Variants in SPTB observed in about 807,000 individuals in gnomAD.
SPTB encodes the protein spectrin beta chain, erythrocytic.
Under a neutral mutation model 256.2 loss-of-function variants are expected in SPTB, and 45 were observed. That is an observed-to-expected ratio of 0.18 (90% confidence interval 0.14 to 0.23). The LOEUF (loss-of-function observed/expected upper bound fraction) is 0.23, where lower values mean the gene tolerates loss of function less well. SPTB is among the 10% of genes least tolerant of loss of function. The pLI is 1.00. For synonymous variants in SPTB, 1,231 were observed against 1,243.1 expected (o/e 0.99, Z 0.21); for missense variants, 2,715 against 3,040.4 (o/e 0.89, Z 2.52).
chr14:64,820,169 A>G (rs1237119068), intron 2 of SPTB, among the ~76,000 whole-genome samples: 1 of 152,168 alleles, frequency 6.6e-6, no homozygotes, highest in African/African-American at 2.4e-5. Context: ...TTGCCTTAAT[A>G]TTCCTGTGAG....
chr14:64,787,180 C>A lies in SPTB; in HGVS notation c.2805-20G>T, dbSNP rs567541931. The A allele has an allele frequency of 1.2e-6, 2 of 1,601,438 alleles. No homozygotes were observed. Among genetic ancestry groups the A allele is most frequent in the Non-Finnish European group, 1.7e-6 (2 of 1,179,940 alleles). On this transcript the variant is annotated intron_variant, in intron 15 of 35. Transcript: ENST00000644917. ...TGCCACCTGCCGGATGGGGACACAG[C>A]CCGGAGGAGAGAGACACCTTCTCCC...
intron 1 of SPTB, among the ~76,000 whole-genome samples, chr14:64,850,135 G>A (rs1387866543): frequency 6.6e-6 from 1 of 152,186 alleles, no homozygotes; most frequent in Non-Finnish European, 1.5e-5. Context: ...GCCCTTTATA[G>A]AAAAAGCTTT....
intron 15 of SPTB, among the ~76,000 whole-genome samples, chr14:64,789,816 G>C (rs1024361731): frequency 2.6e-5 from 4 of 152,196 alleles, no homozygotes; most frequent in African/African-American, 9.7e-5. Flanking sequence ...TTTTCATCTG[G>C]AAAACTGGAA....
intron 8 of SPTB, among the ~76,000 whole-genome samples, chr14:64,800,239 G>A: frequency 6.6e-6 from 1 of 152,256 alleles, no homozygotes; most frequent in African/African-American, 2.4e-5. Flanking sequence ...CCAGCCACTA[G>A]GGGGCCAGGG....
Position 64,759,335 on chromosome 14 carries a change from A to G in SPTB, c.6346-5542T>C, listed in dbSNP as rs1244603658. Among the ~76,000 whole-genome samples the G allele has an allele frequency of 6.6e-6, 1 of 152,168 alleles. No individual in the cohort carries two copies. The highest frequency in any genetic ancestry group is 1.5e-5 in the Non-Finnish European group (1 of 68,014). On this transcript the variant is annotated intron_variant, in intron 32 of 35. Coordinates refer to ENST00000644917, the MANE Select transcript of SPTB (RefSeq NM_001355436.2). The surrounding 1 kb of genome is among the most constrained non-coding windows in gnomAD (Gnocchi z 4.8). ...AGTGGGAGGCCTGTGGCCCTGTTGGATCAGTCCTGCCTCTTTCTAGGCCAG... is the reference window on the plus strand; with the variant it reads ...AGTGGGAGGCCTGTGGCCCTGTTGGGTCAGTCCTGCCTCTTTCTAGGCCAG...
rs1466469246 is a variant in SPTB, at chr14:64,795,330, G to T, written c.1644+7C>A. 6.2e-7 allele frequency: 1 copy of T among 1,603,298 alleles called. No homozygotes were observed. The highest frequency in any genetic ancestry group is 8.5e-7 in the Non-Finnish European group (1 of 1,179,850). On this transcript the variant is annotated splice_region_variant and intron_variant, in intron 12 of 35. Transcript: ENST00000644917. This position sits in a 1 kb window ranked among gnomAD's most constrained non-coding sequence, Gnocchi z 6.5. ...AGGGCATGGCGGGGGCGGCCCCCAGGGCCCACCTTGATCTCATCCATCCAG... is the reference window on the plus strand; with the variant it reads ...AGGGCATGGCGGGGGCGGCCCCCAGTGCCCACCTTGATCTCATCCATCCAG...
intron 1 of SPTB, among the ~76,000 whole-genome samples, chr14:64,874,787 C>T (rs937683393): frequency 3.3e-5 from 5 of 152,170 alleles, no homozygotes; most frequent in Non-Finnish European, 5.9e-5. Context: ...TATTCATTTT[C>T]GGAATTATTC....
At chr14:64,871,739 C>T (rs1026750141) in intron 1 of SPTB, among the ~76,000 whole-genome samples, 3 of 152,276 alleles carry the variant, frequency 2.0e-5, no homozygotes. Context: ...AGAAATAGGG[C>T]TGAAGTTAGG....
Position 64,797,614 on chromosome 14 carries a change from TTAA to T in SPTB, c.1182+112_1182+114del. On this transcript the variant is annotated intron_variant, in intron 10 of 35. Transcript: ENST00000644917. ...CTCCCCCAAATAGTCAACATGTGGA[TTAA>T]TAACATCAAAGAAAGTGGCTTGGTT... is the stretch of plus-strand genomic sequence containing the variant. The T allele has an allele frequency of 3.3e-6, 3 of 909,816 alleles. No homozygotes were observed. In the South Asian group the frequency reaches 3.9e-5, roughly 12 times the overall value. 56.4% of individuals were successfully genotyped at this position (909,816 alleles called of 1,614,324 possible).
In SPTB at chr14:64,795,863, C is replaced by T. The variant is rs56797122; in HGVS notation, c.1342-224G>A. Among the ~76,000 whole-genome samples, 746 of 152,284 alleles carry T rather than the reference C, an allele frequency of 4.9e-3. 4 individuals are homozygous for T. The highest frequency in any genetic ancestry group is 0.017 in the East Asian group (86 of 5,172). Reference sequence around the variant, plus strand: ...AAGAGAAGTTCATGATTTTACTCCCCGTGCCACCCGCGTGGGAGATGCAGC... The same window carrying T: ...AAGAGAAGTTCATGATTTTACTCCCTGTGCCACCCGCGTGGGAGATGCAGC... On this transcript the variant is annotated intron_variant, in intron 11 of 35. Coordinates refer to ENST00000644917, the MANE Select transcript of SPTB (RefSeq NM_001355436.2). The surrounding 1 kb of genome is among the most constrained non-coding windows in gnomAD (Gnocchi z 6.5).
intron 10 of SPTB, 54 bp downstream of exon 10, chr14:64,797,675 T>C (rs2082802330): frequency 1.5e-6 from 2 of 1,323,132 alleles, no homozygotes; most frequent in Middle Eastern, 1.8e-4. Context: ...ACTGTGTCCT[T>C]ATCGGGAATT....
At chr14:64,766,862 G>A in intron 31 of SPTB, 61 bp from the exon 32 acceptor site, 7 of 1,590,422 alleles carry the variant, frequency 4.4e-6, no homozygotes, top group South Asian at 1.1e-5. Context: ...TGCCTCCTGC[G>A]AGGCCTGGCT....
chr14:64,843,064 CA>C (rs998096759), intron 1 of SPTB, among the ~76,000 whole-genome samples: 2 of 148,974 alleles, frequency 1.3e-5, no homozygotes, highest in African/African-American at 4.9e-5. Flanking sequence ...GACCCTGTCT[CA>C]AAAAAAAAGG....
chr14:64,801,449 C>A (rs230704), intron 6 of SPTB, 49 bp from the exon 7 acceptor site: 1 of 1,382,544 alleles, frequency 7.2e-7, no homozygotes, highest in Admixed American at 1.7e-5. Context: ...AGCATCCCCA[C>A]CAGGAGGGCA....
At chr14:64,769,301 C>A (rs560635540) in intron 28 of SPTB, among the ~76,000 whole-genome samples, 183 bp from the exon 29 acceptor site, 7 of 152,324 alleles carry the variant, frequency 4.6e-5, no homozygotes, top group Non-Finnish European at 8.8e-5. Context: ...GAGGCCCATG[C>A]GCCTCTCCTA....
intron 29 of SPTB, chr14:64,768,068 G>T (rs2082218794): frequency 3.2e-6 from 2 of 625,034 alleles, no homozygotes; most frequent in Non-Finnish European, 5.7e-6. Context: ...TAGAGGGAGG[G>T]CTTCAATCTG....
At chr14:64,766,682 T>C in intron 32 of SPTB, 44 bp downstream of exon 32, 2 of 1,613,232 alleles carry the variant, frequency 1.2e-6, no homozygotes, top group South Asian at 1.1e-5. Context: ...GGGCTCTGGC[T>C]GCAGTGACTC....
Position 64,749,755 on chromosome 14 carries a change from G to C in SPTB, c.6777-59C>G. On this transcript the variant is annotated intron_variant, in intron 34 of 35. Coordinates refer to ENST00000644917, the MANE Select transcript of SPTB (RefSeq NM_001355436.2). This position sits in a 1 kb window ranked among gnomAD's most constrained non-coding sequence, Gnocchi z 4.7. ...ACCTCTGGAGGGGGCGCTGGGCAGA[G>C]GGCTGGCTCTGATCCCACAATACCC... 1 of 1,594,604 alleles carries C rather than the reference G, an allele frequency of 6.3e-7. No individual in the cohort carries two copies. Among genetic ancestry groups the C allele is most frequent in the Non-Finnish European group, 8.6e-7 (1 of 1,169,034 alleles).
chr14:64,869,690 T>A (rs1882412994), intron 1 of SPTB, among the ~76,000 whole-genome samples: 1 of 149,550 alleles, frequency 6.7e-6, no homozygotes. Context: ...GGCACAATCA[T>A]GGCTCACTGC....
Sources: gnomAD v4.1 joint callset for allele counts (sites outside exome capture counted in the v4.1 genomes callset) on GRCh38, gnomAD v4.1.1 for gene constraint, Gnocchi (gnomAD v3.1) non-coding constraint, MANE v1.5 for transcripts, NCBI Gene and HGNC (gene_info 2026-07-23, HGNC 2026-07-21) for gene names.